The following OVGP1 variants were observed in gnomAD, a reference collection of about 807,000 sequenced individuals.
OVGP1 encodes the protein oviductal glycoprotein 1.
In OVGP1, 26 loss-of-function variants were observed where a neutral mutation model predicts 48.2. The observed-to-expected ratio is 0.54, with a 90% CI of 0.40 to 0.75. The LOEUF (loss-of-function observed/expected upper bound fraction) is 0.75, where lower values mean the gene tolerates loss of function less well. Among genes scored for constraint, OVGP1 ranks in the 30% least tolerant of loss-of-function variants. The probability of loss-of-function intolerance (pLI) is 0.00; values close to 1 mark genes in which losing one functional copy is unlikely to be tolerated. For missense variants in OVGP1, 791 were observed against 820.6 expected, an observed-to-expected ratio of 0.96 and a Z score of 0.44; for synonymous variants, 294 against 305.7, an observed-to-expected ratio of 0.96 and a Z score of 0.40.
chr1:111,426,374 T>C (rs1422660696), intron 3 of OVGP1, 63 bp downstream of exon 3: 25 of 1,609,050 alleles, frequency 1.6e-5, no homozygotes, highest in Admixed American at 1.7e-5. Flanking sequence ...ACAGGAGAAA[T>C]AGACTGTTAT....
In OVGP1 at chr1:111,414,768, G is replaced by T; in HGVS notation, c.1733C>A (p.Ser578Tyr). The T allele has an allele frequency of 1.2e-6, 2 of 1,609,648 alleles. No homozygotes were observed. Among genetic ancestry groups the T allele is most frequent in the Non-Finnish European group, 1.7e-6 (2 of 1,176,588 alleles). ...TTCAGGGGTGACTGATATGTTTCTGGAGGGGACAGTCACCTTTTCACGGGC... is the reference window on the plus strand; with the variant it reads ...TTCAGGGGTGACTGATATGTTTCTGTAGGGGACAGTCACCTTTTCACGGGC... ...AVAREKVTVP[S>Y]RNISVTPEGQ... Residue 578 changes from serine (S) to tyrosine (Y), a missense_variant, in exon 11 of 11, where the codon TCC (serine) becomes TAC (tyrosine). Physicochemically the swap from Ser to Tyr is moderately radical, Grantham distance 144. Coordinates refer to ENST00000369732, the MANE Select transcript of OVGP1 (RefSeq NM_002557.4).
In OVGP1 at chr1:111,414,731, C is replaced by T. The variant is rs755415597; in HGVS notation, c.1770G>A (p.Met590Ile). ...AAGTCAAATTCTCCCCTCTTAAAGGCATAGTCTGCCCTTCAGGGGTGACTG... is the reference window on the plus strand; with the variant it reads ...AAGTCAAATTCTCCCCTCTTAAAGGTATAGTCTGCCCTTCAGGGGTGACTG... ...NISVTPEGQTMPLRGENLTSE... is the reference protein window; with the variant it reads ...NISVTPEGQTIPLRGENLTSE... Residue 590 changes from methionine (M) to isoleucine (I), a missense_variant, in exon 11 of 11, where the codon ATG becomes ATA. Transcript: ENST00000369732. 2 of 1,613,628 alleles carry T rather than the reference C, an allele frequency of 1.2e-6. No homozygotes were observed. The highest frequency in any genetic ancestry group is 1.1e-5 in the South Asian group (1 of 91,024).
chr1:111,426,121 A>G (rs1264891), intron 3 of OVGP1, among the ~76,000 whole-genome samples: 74,415 of 152,074 alleles, frequency 0.49, 19,533 homozygotes, highest in East Asian at 0.74. Flanking sequence ...GGGATGTGTA[A>G]GCCCACTTTA....
At chr1:111,419,845 A>T in intron 8 of OVGP1, 119 bp from the exon 9 acceptor site, 1 of 679,614 alleles carries the variant, frequency 1.5e-6, no homozygotes. Flanking sequence ...AATGAGAAGA[A>T]GGTAAACCAA....
intron 10 of OVGP1, 87 bp downstream of exon 10, chr1:111,416,236 C>T: frequency 7.4e-7 from 1 of 1,351,966 alleles, no homozygotes; most frequent in East Asian, 2.6e-5. Flanking sequence ...TGTTGCCTCA[C>T]CAAGGCATTT....
At position 111,414,754 on chromosome 1, in the gene OVGP1, C is replaced by T. The variant is rs1293845330; in HGVS notation, c.1747G>A (p.Val583Ile). ...GGCATAGTCTGCCCTTCAGGGGTGA[C>T]TGATATGTTTCTGGAGGGGACAGTC... ...KVTVPSRNIS[V>I]TPEGQTMPLR... The change falls in exon 11 of 11, where the codon GTC (valine) becomes ATC (isoleucine). Residue 583 changes from valine to isoleucine, a missense_variant. By Grantham distance (29) the Val-to-Ile change is conservative. Coordinates refer to ENST00000369732, the MANE Select transcript of OVGP1 (RefSeq NM_002557.4). The T allele has an allele frequency of 6.2e-7, 1 of 1,611,148 alleles. No homozygotes were observed. Among genetic ancestry groups the T allele is most frequent in the Non-Finnish European group, 8.5e-7 (1 of 1,177,646 alleles).
At chr1:111,420,447 G>A (rs762316323) in intron 8 of OVGP1, among the ~76,000 whole-genome samples, 9 of 152,146 alleles carry the variant, frequency 5.9e-5, no homozygotes, top group African/African-American at 2.2e-4. Context: ...TCCATCCAGC[G>A]CAGAGCAGAG....
At position 111,426,661 on chromosome 1, in the gene OVGP1, A is replaced by G; in HGVS notation, c.56-20T>C. ...CAGCACCTGGTAAGGGAGAGCACAC[A>G]TTAGTTGGCAAAAACCAAGGGAGGG... On this transcript the variant is annotated intron_variant, in intron 2 of 10. Coordinates refer to ENST00000369732, the MANE Select transcript of OVGP1 (RefSeq NM_002557.4). 6.2e-7 allele frequency: 1 copy of G among 1,610,416 alleles called. No homozygotes were observed.
At chr1:111,421,527 C>A (rs771432913) in intron 7 of OVGP1, 38 bp downstream of exon 7, 5 of 1,607,778 alleles carry the variant, frequency 3.1e-6, no homozygotes, top group South Asian at 1.1e-5. Context: ...CTCAGGGGGG[C>A]AGATGTCTGG....
Position 111,422,683 on chromosome 1 carries a change from C to T in OVGP1, c.608+244G>A, listed in dbSNP as rs897755910. On this transcript the variant is annotated intron_variant, in intron 6 of 10. Coordinates refer to ENST00000369732, the MANE Select transcript of OVGP1 (RefSeq NM_002557.4). ...AATAGGCTGTGCAGAAGACTCTACC[C>T]GTGCTAACATTGTTGTGGGCAGATA... 2.0e-5 allele frequency among the ~76,000 whole-genome samples: 3 copies of T among 152,182 alleles called. 1 individual carries two copies. The South Asian group carries it at 6.2e-4, about 32-fold the overall frequency.
intron 9 of OVGP1, 132 bp from the exon 10 acceptor site, chr1:111,416,590 C>T: frequency 1.5e-6 from 1 of 653,168 alleles, no homozygotes; most frequent in South Asian, 3.7e-5. Flanking sequence ...GCATTTGAAT[C>T]TAGCTTTTAC....
At chr1:111,421,501 G>A (rs762879321) in intron 7 of OVGP1, 40 bp from the exon 8 acceptor site, 4 of 1,608,952 alleles carry the variant, frequency 2.5e-6, no homozygotes, top group Admixed American at 3.4e-5. Flanking sequence ...TTGTTACTAA[G>A]AGCCAATGGC....
In OVGP1 at chr1:111,422,964, T is replaced by C. The variant is rs752680993; in HGVS notation, c.571A>G (p.Ile191Val). The change falls in exon 6 of 11, where the codon ATC becomes GTC. Residue 191 changes from isoleucine to valine, a missense_variant. Ile to Val is a conservative substitution (Grantham distance 29, BLOSUM62 3). Coordinates refer to ENST00000369732, the MANE Select transcript of OVGP1 (RefSeq NM_002557.4). ...CGCACATCATAGGATGTTTGGACGATGTGTGGGACCCCAGAAACAGCAGCA... is the reference window on the plus strand; with the variant it reads ...CGCACATCATAGGATGTTTGGACGACGTGTGGGACCCCAGAAACAGCAGCA... ...LSAAVSGVPH[I>V]VQTSYDVRFL... The C allele has an allele frequency of 3.7e-6, 6 of 1,614,138 alleles. No individual in the cohort carries two copies. Among genetic ancestry groups the C allele is most frequent in the Middle Eastern group, 1.6e-4 (1 of 6,062 alleles).
At chr1:111,424,394 A>T (rs1039217398) in intron 4 of OVGP1, among the ~76,000 whole-genome samples, 5 of 152,184 alleles carry the variant, frequency 3.3e-5, no homozygotes, top group African/African-American at 7.2e-5. Flanking sequence ...TAATCCTGAG[A>T]TGAGCCATGA....
intron 4 of OVGP1, 125 bp from the exon 5 acceptor site, chr1:111,423,833 G>T: frequency 1.1e-6 from 1 of 897,174 alleles, no homozygotes; most frequent in Non-Finnish European, 1.7e-6. Context: ...AAGGAAGGCA[G>T]ATTTCCAAAA....
At chr1:111,424,358 G>T (rs541046523) in intron 4 of OVGP1, among the ~76,000 whole-genome samples, 7 of 152,028 alleles carry the variant, frequency 4.6e-5, no homozygotes, top group African/African-American at 1.7e-4. Context: ...TAACTTATTG[G>T]ACCTGAACTT....
In OVGP1 at chr1:111,415,293, G is replaced by A. The variant is rs775859093; in HGVS notation, c.1208C>T (p.Ser403Phe). Residue 403 changes from serine to phenylalanine, a missense_variant, in exon 11 of 11, where the codon TCT becomes TTT. Coordinates refer to ENST00000369732, the MANE Select transcript of OVGP1 (RefSeq NM_002557.4). ...PQFWLSSAVN[S>F]SSTDPERLAV... ...CAGCCTTTCAGGGTCAGTGCTTGAA[G>A]AATTCACAGCAGATGACAGCCAAAA... The A allele has an allele frequency of 6.2e-7, 1 of 1,614,038 alleles. No individual in the cohort carries two copies. Among genetic ancestry groups the A allele is most frequent in the East Asian group, 2.2e-5 (1 of 44,884 alleles).
chr1:111,424,158 C>T (rs745341361), intron 4 of OVGP1, among the ~76,000 whole-genome samples: 30 of 152,218 alleles, frequency 2.0e-4, no homozygotes, highest in Non-Finnish European at 4.1e-4. Flanking sequence ...GGGGAGAGAA[C>T]ATGAGTCAAG....
intron 4 of OVGP1, among the ~76,000 whole-genome samples, chr1:111,424,500 C>A (rs778118305): frequency 3.3e-5 from 5 of 152,200 alleles, no homozygotes; most frequent in Non-Finnish European, 4.4e-5. Context: ...TGTGACAAAT[C>A]TGGCAAGTTC....
Sources: allele counts gnomAD v4.1 joint callset (sites outside exome capture counted in the v4.1 genomes callset), GRCh38; gene constraint gnomAD v4.1.1; transcripts MANE v1.5; gene names NCBI Gene and HGNC (gene_info 2026-07-23, HGNC 2026-07-21).